ALOX5AP: variants seen among roughly 807,000 people sequenced by gnomAD.
ALOX5AP encodes the protein arachidonate 5-lipoxygenase activating protein, also known as arachidonate 5-lipoxygenase-activating protein.
In ALOX5AP, 9 loss-of-function variants were observed where a neutral mutation model predicts 18.5. The observed-to-expected ratio is 0.49, with a 90% confidence interval of 0.29 to 0.85. ALOX5AP has a LOEUF of 0.85. Ranked by LOEUF, ALOX5AP falls within the 40% of genes least tolerant of loss-of-function variation. The pLI is 0.08. For synonymous variants in ALOX5AP, 81 were observed against 78.6 expected (o/e 1.03, Z -0.16); for missense variants, 172 against 202.5 (o/e 0.85, Z 0.91).
At chr13:30,751,934 TG>T in intron 2 of ALOX5AP, 117 bp from the exon 3 acceptor site, 1 of 980,930 alleles carries the variant, frequency 1.0e-6, no homozygotes, top group Non-Finnish European at 1.6e-6. Context: ...GAATTACGAA[TG>T]GGATTTATGT....
intron 1 of ALOX5AP, among the ~76,000 whole-genome samples, chr13:30,736,939 C>A (rs1951726611): frequency 6.6e-6 from 1 of 152,228 alleles, no homozygotes; most frequent in African/African-American, 2.4e-5. Flanking sequence ...TGTACAGAGA[C>A]CCTGCTCTGG....
In ALOX5AP at chr13:30,735,727, T is replaced by C. The variant is rs781681329; in HGVS notation, c.70+52T>C. ...GAACAGAAGGGGAGATTTTCTTTGA[T>C]GGTTGTTTGGAAGTCAGGCTTAAAC... On this transcript the variant is annotated intron_variant, in intron 1 of 4. Coordinates refer to ENST00000380490, the MANE Select transcript of ALOX5AP (RefSeq NM_001629.4). 1.9e-6 allele frequency: 3 copies of C among 1,600,744 alleles called. No individual in the cohort carries two copies. The South Asian group carries it at 3.3e-5, about 18-fold the overall frequency.
chr13:30,722,069 GA>G (rs1488302757), intron 1 of ALOX5AP, among the ~76,000 whole-genome samples: 2 of 152,224 alleles, frequency 1.3e-5, no homozygotes, highest in Non-Finnish European at 2.9e-5. Flanking sequence ...CATCTTTTCT[GA>G]AGCTAGCAAT....
chr13:30,725,339 G>C (rs9508829), intron 1 of ALOX5AP, among the ~76,000 whole-genome samples: 31,308 of 152,222 alleles, frequency 0.21, 4,241 homozygotes, highest in African/African-American at 0.37. Flanking sequence ...AGCCACAACA[G>C]AAGAGGATTT....
intron 1 of ALOX5AP, among the ~76,000 whole-genome samples, chr13:30,742,864 C>T (rs1424417166): frequency 7.6e-5 from 10 of 130,826 alleles, no homozygotes; most frequent in Middle Eastern, 3.6e-3. Context: ...TCACCGCCCC[C>T]CCCCCACCCC....
chr13:30,751,812 C>T lies in ALOX5AP; in HGVS notation c.171-240C>T, dbSNP rs61947403. 2.0e-4 allele frequency among the ~76,000 whole-genome samples: 31 copies of T among 152,324 alleles called. No individual in the cohort carries two copies. In the South Asian group the frequency reaches 2.1e-3, roughly 10 times the overall value. On this transcript the variant is annotated intron_variant, in intron 2 of 4. Transcript: ENST00000380490. ...ACATCAAGAAACCAAGTCTCCCTTA[C>T]GCATCACCGTAGGAACAGAGTTAAT...
intron 1 of ALOX5AP, 54 bp downstream of exon 1, chr13:30,735,729 G>A: frequency 6.3e-7 from 1 of 1,599,096 alleles, no homozygotes; most frequent in South Asian, 1.1e-5. Flanking sequence ...TTCTTTGATG[G>A]TTGTTTGGAA....
At chr13:30,730,760 T>C (rs1228529655), upstream of ALOX5AP, among the ~76,000 whole-genome samples, 1 of 150,112 alleles carries the variant, frequency 6.7e-6, no homozygotes. Context: ...GCGAAGTGTC[T>C]GCACAGCTCC....
chr13:30,717,290 C>T (rs1951557688), intron 1 of ALOX5AP, among the ~76,000 whole-genome samples: 1 of 152,218 alleles, frequency 6.6e-6, no homozygotes, highest in South Asian at 2.1e-4. Flanking sequence ...AGTTTTTCCT[C>T]TTCACTTACA....
At chr13:30,731,922 C>G (rs905813019), upstream of ALOX5AP, among the ~76,000 whole-genome samples, 1 of 152,246 alleles carries the variant, frequency 6.6e-6, no homozygotes, top group African/African-American at 2.4e-5. Flanking sequence ...CCGGCTCTCC[C>G]GGTGCCCCTT....
intron 1 of ALOX5AP, among the ~76,000 whole-genome samples, chr13:30,714,624 G>A (rs1289753320): frequency 6.6e-6 from 1 of 151,202 alleles, no homozygotes; most frequent in Non-Finnish European, 1.5e-5. Flanking sequence ...TCTTGAGCCA[G>A]GACCTAGCGC....
At chr13:30,746,353 G>A (rs1482032531) in intron 2 of ALOX5AP, among the ~76,000 whole-genome samples, 1 of 152,256 alleles carries the variant, frequency 6.6e-6, no homozygotes. Context: ...GGAGAAGGAT[G>A]AGGGAGGGGA....
At position 30,735,693 on chromosome 13, in the gene ALOX5AP, C is replaced by A. The variant is rs4769055; in HGVS notation, c.70+18C>A. The A allele has an allele frequency of 0.35, 570,718 of 1,612,760 alleles. 112,249 individuals are homozygous for A. Among genetic ancestry groups the A allele is most frequent in the African/African-American group, 0.77 (57,370 of 74,938 alleles). On this transcript the variant is annotated intron_variant, in intron 1 of 4. Transcript: ENST00000380490. Reference sequence around the variant, plus strand: ...CCAGAATGGTAAGGAAAGCCCTTCACTCAGGGAAGAACAGAAGGGGAGATT... The same window carrying A: ...CCAGAATGGTAAGGAAAGCCCTTCAATCAGGGAAGAACAGAAGGGGAGATT...
At chr13:30,718,273 T>C (rs1220214803) in intron 1 of ALOX5AP, among the ~76,000 whole-genome samples, 1 of 151,908 alleles carries the variant, frequency 6.6e-6, no homozygotes, top group Non-Finnish European at 1.5e-5. Flanking sequence ...GATTCTGTTT[T>C]TGAGGCCTGC....
At chr13:30,742,810 G>A (rs1951777594) in intron 1 of ALOX5AP, among the ~76,000 whole-genome samples, 1 of 151,854 alleles carries the variant, frequency 6.6e-6, no homozygotes, top group Non-Finnish European at 1.5e-5. Flanking sequence ...CTTGAAAAAG[G>A]AGTAAAGGAA....
chr13:30,719,573 T>G (rs901639186), intron 1 of ALOX5AP, among the ~76,000 whole-genome samples: 8 of 152,238 alleles, frequency 5.3e-5, no homozygotes, highest in African/African-American at 1.9e-4. Context: ...CAATCCTTCA[T>G]AAAATAACCA....
chr13:30,735,748 T>A, intron 1 of ALOX5AP, 73 bp downstream of exon 1: 1 of 1,551,222 alleles, frequency 6.4e-7, no homozygotes, highest in Non-Finnish European at 8.9e-7. Flanking sequence ...AAGTCAGGCT[T>A]AAACAATTGT....
chr13:30,730,085 C>T (rs1163179787), intron 1 of ALOX5AP, among the ~76,000 whole-genome samples: 2 of 152,174 alleles, frequency 1.3e-5, no homozygotes, highest in Non-Finnish European at 2.9e-5. Context: ...GTTCGCTTAG[C>T]GCAGATATGA....
At position 30,722,685 on chromosome 13, in the gene ALOX5AP, T is replaced by A. The variant is rs1951603488; in HGVS notation, c.116+8844T>A. Among the ~76,000 whole-genome samples, 6 of 152,372 alleles carry A rather than the reference T, an allele frequency of 3.9e-5. No individual in the cohort carries two copies. In the South Asian group the frequency reaches 1.2e-3, roughly 32 times the overall value. Reference sequence around the variant, plus strand: ...GTTCCCTACAAATCTCATGTTGACATTTTATCCCTAATATTGGAGGCAGGG... The same window carrying A: ...GTTCCCTACAAATCTCATGTTGACAATTTATCCCTAATATTGGAGGCAGGG... On this transcript the variant is annotated intron_variant, in intron 1 of 5. Coordinates refer to the ALOX5AP transcript ENST00000617770.
Sources: gnomAD v4.1 joint callset for allele counts (sites outside exome capture counted in the v4.1 genomes callset) on GRCh38, gnomAD v4.1.1 for gene constraint, MANE v1.5 for transcripts, NCBI Gene and HGNC (gene_info 2026-07-23, HGNC 2026-07-21) for gene names.